IDO2: variants seen among roughly 807,000 people sequenced by gnomAD.
The protein encoded by IDO2 is indoleamine 2,3-dioxygenase-like 1 protein.
A neutral mutation model predicts 45.1 loss-of-function variants in IDO2; 46 were observed. The ratio of observed to expected loss-of-function variants is 1.02; its 90% CI spans 0.80 to 1.30. The LOEUF is 1.30. Among genes scored for constraint, IDO2 ranks in the 50% most tolerant of loss-of-function variants. IDO2 has a pLI of 0.00. For synonymous variants in IDO2, 218 were observed against 184.9 expected (o/e 1.18, Z -1.45); for missense variants, 544 against 491.8 (o/e 1.11, Z -1.00).
chr8:39,965,527 A>ATAT (rs1428999358), intron 3 of IDO2, among the ~76,000 whole-genome samples: 9 of 140,878 alleles, frequency 6.4e-5, no homozygotes, highest in Non-Finnish European at 1.1e-4. Context: ...TATATATATT[A>ATAT]AAATACAAAT....
intron 8 of IDO2, chr8:39,995,265 C>CTTCTCCT (rs1563438335): frequency 3.3e-5 from 3 of 90,032 alleles, no homozygotes; most frequent in Non-Finnish European, 6.9e-5. Context: ...CTTCTTCTTC[C>CTTCTCCT]TCTTCTTCTT....
rs78970828 is a variant in IDO2, at chr8:39,953,784, C to T, written c.99+4520C>T. On this transcript the variant is annotated intron_variant, in intron 2 of 10. Transcript: ENST00000502986. ...TTCGCCATGTTGGCCAGGCTGGTCT[C>T]GAACCCCTGACCTCAAGTGATCCAC... Among the ~76,000 whole-genome samples, 995 of 152,188 alleles carry T rather than the reference C, an allele frequency of 6.5e-3. 6 individuals carry two copies. Among genetic ancestry groups the T allele is most frequent in the Middle Eastern group, 0.037 (11 of 294 alleles).
At chr8:40,003,117 T>A (rs62511376) in intron 8 of IDO2, among the ~76,000 whole-genome samples, 17,590 of 151,858 alleles carry the variant, frequency 0.12, 1,413 homozygotes, top group East Asian at 0.34. Context: ...TATAAGAGAG[T>A]ATATCCCTTC....
intron 9 of IDO2, among the ~76,000 whole-genome samples, chr8:40,012,376 G>A (rs541520523): frequency 2.0e-5 from 3 of 152,262 alleles, no homozygotes; most frequent in African/African-American, 4.8e-5. Flanking sequence ...TGGGGATCAA[G>A]TTCTGGTTCT....
chr8:39,987,849 A>C (rs1265570579), intron 6 of IDO2, 22 bp from the exon 7 acceptor site: 3 of 1,442,648 alleles, frequency 2.1e-6, no homozygotes, highest in Non-Finnish European at 2.9e-6. Flanking sequence ...ACCTCTAATC[A>C]TGTGCTCCTC....
intron 1 of IDO2, among the ~76,000 whole-genome samples, chr8:39,937,407 G>A (rs1480229771): frequency 1.3e-5 from 2 of 152,070 alleles, no homozygotes; most frequent in South Asian, 2.1e-4. Context: ...CTTTATTTAG[G>A]TAGATACATT....
intron 2 of IDO2, among the ~76,000 whole-genome samples, chr8:39,950,447 C>A (rs1807797065): frequency 6.6e-6 from 1 of 152,082 alleles, no homozygotes; most frequent in African/African-American, 2.4e-5. Context: ...CAGGAGAATC[C>A]TTGAACCCAG....
chr8:39,980,818 C>T (rs891746309), intron 4 of IDO2, among the ~76,000 whole-genome samples: 4 of 150,746 alleles, frequency 2.7e-5, no homozygotes, highest in African/African-American at 2.4e-5. Context: ...GGCGTGATCT[C>T]GGCTCACTGC....
At chr8:40,013,515 C>A (rs917607923) in intron 9 of IDO2, 50 bp from the exon 10 acceptor site, 2 of 1,537,416 alleles carry the variant, frequency 1.3e-6, no homozygotes, top group Non-Finnish European at 8.9e-7. Flanking sequence ...AGAAAATATA[C>A]CATTACCTCC....
At chr8:39,940,929 G>GAAA (rs35440780) in intron 1 of IDO2, among the ~76,000 whole-genome samples, 29,886 of 138,210 alleles carry the variant, frequency 0.22, 3,214 homozygotes, top group East Asian at 0.27. Flanking sequence ...AAATAAAATT[G>GAAA]AAAAAAAAAA....
intron 1 of IDO2, among the ~76,000 whole-genome samples, chr8:39,942,624 A>G (rs1807660972): frequency 8.1e-6 from 1 of 123,794 alleles, no homozygotes; most frequent in Non-Finnish European, 1.7e-5. Flanking sequence ...TGGGTGACAG[A>G]ATGAGACTCT....
intron 8 of IDO2, among the ~76,000 whole-genome samples, chr8:40,004,189 C>T (rs1417834156): frequency 1.3e-5 from 2 of 152,160 alleles, no homozygotes; most frequent in African/African-American, 2.4e-5. Context: ...GGCATTGTCA[C>T]ATGTAAGCAG....
intron 8 of IDO2, chr8:39,997,909 G>A: frequency 9.3e-6 from 2 of 215,274 alleles, no homozygotes; most frequent in Non-Finnish European, 9.9e-6. Context: ...TTGCTATGGT[G>A]GTACATAAGT....
intron 8 of IDO2, chr8:39,995,283 T>TTCTTCTTCTTCC (rs1802023950): frequency 2.2e-5 from 3 of 138,672 alleles, no homozygotes; most frequent in Admixed American, 7.4e-5. Flanking sequence ...CTTCTTCTTC[T>TTCTTCTTCTTCC]TCTTCTTTTT....
chr8:39,996,706 C>T (rs1432336223), intron 8 of IDO2, among the ~76,000 whole-genome samples: 1 of 152,164 alleles, frequency 6.6e-6, no homozygotes, highest in African/African-American at 2.4e-5. Flanking sequence ...TGAGCCACCG[C>T]ATCCAGCCAG....
chr8:39,942,332 T>C (rs1443651200), intron 1 of IDO2, among the ~76,000 whole-genome samples: 4 of 152,190 alleles, frequency 2.6e-5, no homozygotes, highest in Non-Finnish European at 5.9e-5. Context: ...CACACTCTGG[T>C]AGTCCTGAGT....
In IDO2 at chr8:40,015,519, G is replaced by C. The variant is rs746915988; in HGVS notation, c.1141G>C (p.Gly381Arg). The C allele has an allele frequency of 3.7e-6, 6 of 1,614,002 alleles. No homozygotes were observed. The East Asian group carries it at 1.1e-4, about 30-fold the overall frequency. The stretch of plus-strand genomic sequence containing the variant: ...GCCTCCTCAGGCTTTAAAAGACAGG[G>C]GCACAGGTGGAACCGCAGTTATGAG... The change falls in exon 11 of 11, where the codon GGC becomes CGC. Residue 381 changes from glycine to arginine, a missense_variant. Coordinates refer to ENST00000502986, the Ensembl canonical transcript of IDO2.
At chr8:40,006,766 C>A (rs1802228683) in intron 9 of IDO2, among the ~76,000 whole-genome samples, 1 of 151,944 alleles carries the variant, frequency 6.6e-6, no homozygotes, top group South Asian at 2.1e-4. Context: ...ATTCAAACTA[C>A]TCTCCTGCCT....
At chr8:39,987,789 T>TGC in intron 6 of IDO2, 82 bp from the exon 7 acceptor site, 1 of 787,054 alleles carries the variant, frequency 1.3e-6, no homozygotes, top group Non-Finnish European at 2.1e-6. Flanking sequence ...TGCAGTTATC[T>TGC]AACTCGGCAG....
Sources: allele counts gnomAD v4.1 joint callset (sites outside exome capture counted in the v4.1 genomes callset), GRCh38; gene constraint gnomAD v4.1.1; transcripts MANE v1.5; gene names NCBI Gene and HGNC (gene_info 2026-07-23, HGNC 2026-07-21).